POU6F2: variants seen among roughly 807,000 people sequenced by gnomAD.
POU6F2 encodes POU domain, class 6, transcription factor 2.
In POU6F2, 31 loss-of-function variants were observed where a neutral mutation model predicts 71.3. The observed-to-expected ratio is 0.43, with a 90% CI of 0.33 to 0.59. POU6F2 has a LOEUF of 0.59. POU6F2 is among the 20% of genes least tolerant of loss of function. The pLI, the probability that POU6F2 is intolerant of heterozygous loss-of-function variation, is 0.04. For missense variants in POU6F2, 783 were observed against 856.8 expected (o/e 0.91, Z 1.07); for synonymous variants, 347 against 355.7 (o/e 0.98, Z 0.27).
At chr7:39,234,987 C>A (rs1338877454) in intron 4 of POU6F2, among the ~76,000 whole-genome samples, 1 of 152,224 alleles carries the variant, frequency 6.6e-6, no homozygotes, top group Non-Finnish European at 1.5e-5. Context: ...TGCAACAGAA[C>A]AAGTGCCTTC....
At chr7:39,416,800 A>T (rs1787687434) in intron 6 of POU6F2, among the ~76,000 whole-genome samples, 1 of 151,748 alleles carries the variant, frequency 6.6e-6, no homozygotes, top group African/African-American at 2.4e-5. Context: ...CTAATTTCAA[A>T]AATGTTAAAA....
chr7:39,296,301 C>G (rs1784842700), intron 4 of POU6F2, among the ~76,000 whole-genome samples: 1 of 152,098 alleles, frequency 6.6e-6, no homozygotes, highest in East Asian at 1.9e-4. Context: ...CCCTACCAAA[C>G]AAATTTTAAA....
chr7:39,230,324 A>T (rs1415438385), intron 4 of POU6F2, among the ~76,000 whole-genome samples: 2 of 147,894 alleles, frequency 1.4e-5, no homozygotes, highest in Non-Finnish European at 3.0e-5. Context: ...ACCAAAAATT[A>T]AAAAAAAAAA....
rs150446938 is a variant in POU6F2, at chr7:39,100,876, T to C, written c.277+14845T>C. Reference sequence around the variant, plus strand: ...CAGTGTCAGCGTGGAAAGAATGATGTTGGGAAAACAAATACAAGGTTGGGC... The same window carrying C: ...CAGTGTCAGCGTGGAAAGAATGATGCTGGGAAAACAAATACAAGGTTGGGC... On this transcript the variant is annotated intron_variant, in intron 2 of 9. Transcript: ENST00000518318. 1.6e-4 allele frequency among the ~76,000 whole-genome samples: 25 copies of C among 152,188 alleles called. No individual in the cohort carries two copies. The East Asian group carries it at 4.6e-3, about 28-fold the overall frequency.
At chr7:39,155,000 A>C (rs10244167) in intron 2 of POU6F2, among the ~76,000 whole-genome samples, 37,371 of 151,950 alleles carry the variant, frequency 0.25, 5,204 homozygotes, top group East Asian at 0.6. Context: ...GGACCTGTGG[A>C]ATAAAATGAT....
At chr7:39,149,912 G>C (rs531218210) in intron 2 of POU6F2, among the ~76,000 whole-genome samples, 18 of 145,716 alleles carry the variant, frequency 1.2e-4, no homozygotes, top group African/African-American at 4.4e-4. Flanking sequence ...TTGAGACGGA[G>C]TCTCGCTCTG....
At chr7:39,145,367 C>G (rs1348736372) in intron 2 of POU6F2, among the ~76,000 whole-genome samples, 1 of 152,130 alleles carries the variant, frequency 6.6e-6, no homozygotes, top group Non-Finnish European at 1.5e-5. Flanking sequence ...GAGAGAGAAC[C>G]AGATCACACA....
chr7:39,193,381 G>A (rs1028758355), intron 2 of POU6F2, among the ~76,000 whole-genome samples: 2 of 152,102 alleles, frequency 1.3e-5, no homozygotes, highest in African/African-American at 4.8e-5. Context: ...TCTGGGGCCA[G>A]GTTCCATTAG....
At chr7:39,224,325 G>C (rs1049452589) in intron 4 of POU6F2, among the ~76,000 whole-genome samples, 2 of 150,066 alleles carry the variant, frequency 1.3e-5, no homozygotes, top group Admixed American at 6.7e-5. Flanking sequence ...CTGGCTCTGA[G>C]AATATTTGCA....
At chr7:39,340,955 T>C (rs1392614438) in intron 5 of POU6F2, among the ~76,000 whole-genome samples, 2 of 152,182 alleles carry the variant, frequency 1.3e-5, no homozygotes, top group Non-Finnish European at 2.9e-5. Flanking sequence ...TCTCGTGTAT[T>C]TGTAGTACTG....
intron 1 of POU6F2, among the ~76,000 whole-genome samples, chr7:39,063,308 A>T (rs1790694451): frequency 6.6e-6 from 1 of 152,194 alleles, no homozygotes; most frequent in South Asian, 2.1e-4. Context: ...TGAGAGTTCG[A>T]GATCAGCTTG....
chr7:39,365,018 A>G (rs1786469334), intron 5 of POU6F2, among the ~76,000 whole-genome samples: 1 of 152,106 alleles, frequency 6.6e-6, no homozygotes, highest in South Asian at 2.1e-4. Context: ...CTTGATCATT[A>G]ATGATGTTAA....
chr7:39,373,572 A>G (rs1229098150), intron 5 of POU6F2: 1 of 456,300 alleles, frequency 2.2e-6, no homozygotes, highest in African/African-American at 2.0e-5. Flanking sequence ...AAGCACACAG[A>G]AAGTGGAGAA....
At chr7:39,097,032 A>G (rs1012966932) in intron 2 of POU6F2, among the ~76,000 whole-genome samples, 1 of 152,154 alleles carries the variant, frequency 6.6e-6, no homozygotes, top group Non-Finnish European at 1.5e-5. Context: ...AAGTGATGAC[A>G]TTTTCAATAT....
At chr7:39,180,181 A>C (rs926028024) in intron 2 of POU6F2, among the ~76,000 whole-genome samples, 5 of 152,174 alleles carry the variant, frequency 3.3e-5, no homozygotes, top group Non-Finnish European at 7.3e-5. Context: ...CAGAGACAGA[A>C]GCAAATACGC....
At chr7:39,339,371 C>CCA (rs1487198119) in intron 4 of POU6F2, among the ~76,000 whole-genome samples, 3 of 152,190 alleles carry the variant, frequency 2.0e-5, no homozygotes, top group Non-Finnish European at 2.9e-5. Flanking sequence ...TCCATTCCTA[C>CCA]CACACACCTT....
intron 4 of POU6F2, among the ~76,000 whole-genome samples, chr7:39,258,345 G>T (rs1464581854): frequency 3.3e-5 from 5 of 152,296 alleles, no homozygotes; most frequent in African/African-American, 1.2e-4. Context: ...CTGAGAAAAA[G>T]AGAAATATTA....
chr7:39,305,262 T>A lies in POU6F2; in HGVS notation c.599-34380T>A, dbSNP rs562620474. On this transcript the variant is annotated intron_variant, in intron 4 of 9. Coordinates refer to ENST00000518318, the MANE Select transcript of POU6F2 (RefSeq NM_001370959.1). ...TTGAAGAAGCTAAGGCTTAATTAAA[T>A]CAAGTAACTTGCCCAGGGGCATACA... 1.8e-4 allele frequency among the ~76,000 whole-genome samples: 27 copies of A among 152,382 alleles called. No individual in the cohort carries two copies. The East Asian group carries it at 5.2e-3, about 29-fold the overall frequency.
At chr7:39,387,351 G>C (rs765310256) in intron 5 of POU6F2, among the ~76,000 whole-genome samples, 1 of 152,064 alleles carries the variant, frequency 6.6e-6, no homozygotes, top group Admixed American at 6.5e-5. Context: ...TGTCTAATAC[G>C]TGTGCATCCT....
Sources: allele counts gnomAD v4.1 joint callset (sites outside exome capture counted in the v4.1 genomes callset), GRCh38; gene constraint gnomAD v4.1.1; transcripts MANE v1.5; gene names NCBI Gene and HGNC (gene_info 2026-07-23, HGNC 2026-07-21).